Variants in FAT4 observed in about 807,000 individuals in gnomAD.
The protein encoded by FAT4 is protocadherin Fat 4.
In FAT4, 84 loss-of-function variants were observed where a neutral mutation model predicts 303.9. That is an observed-to-expected ratio of 0.28 (90% CI 0.23 to 0.33). The LOEUF is 0.33. Among genes scored for constraint, FAT4 ranks in the 10% least tolerant of loss-of-function variants. FAT4 has a pLI of 1.00. For missense variants in FAT4, 6,005 were observed against 6,146.8 expected (o/e 0.98, Z 0.77); for synonymous variants, 2,307 against 2,298.8 (o/e 1.00, Z -0.10).
intron 10 of FAT4, 140 bp downstream of exon 10, chr4:125,452,950 T>TTTAAA: frequency 2.8e-6 from 3 of 1,084,046 alleles, no homozygotes; most frequent in Non-Finnish European, 3.9e-6. Context: ...TTACTGTTGG[T>TTTAAA]CAAATACTGT....
intron 10 of FAT4, 54 bp from the exon 11 acceptor site, chr4:125,463,509 T>G (rs1726552617): frequency 1.9e-6 from 2 of 1,043,996 alleles, no homozygotes; most frequent in Non-Finnish European, 2.8e-6. Flanking sequence ...GGTGTAACGG[T>G]GTTAATATAT....
intron 7 of FAT4, among the ~76,000 whole-genome samples, chr4:125,432,502 T>G (rs1248908866): frequency 6.6e-6 from 1 of 152,358 alleles, no homozygotes; most frequent in Non-Finnish European, 1.5e-5. Flanking sequence ...TTGACAGTCT[T>G]ATTTGATGTG....
At chr4:125,434,450 T>C (rs775658506) in intron 8 of FAT4, 25 bp downstream of exon 8, 12 of 1,604,296 alleles carry the variant, frequency 7.5e-6, no homozygotes, top group Middle Eastern at 3.3e-4. Flanking sequence ...CTTTGTAAAG[T>C]TTGTCTGTTT....
At position 125,317,727 on chromosome 4, in the gene FAT4, C is replaced by T. The variant is rs749913769; in HGVS notation, c.1316C>T (p.Ser439Phe). ...ERIPSYNLTV[S>F]VSDNYGAPPG... ...ATCCCTTCCTACAACCTCACAGTTT[C>T]CGTCTCTGATAACTACGGGGCGCCC... The change falls in exon 2 of 18, where the codon TCC (serine) becomes TTC (phenylalanine). Residue 439 changes from serine to phenylalanine, a missense_variant. Ser to Phe is a radical substitution (Grantham distance 155, BLOSUM62 -2). Coordinates refer to ENST00000394329, the MANE Select transcript of FAT4 (RefSeq NM_001291303.3). The surrounding 1 kb of genome is among the most constrained non-coding windows in gnomAD (Gnocchi z 7.0). 2 of 1,614,020 alleles carry T rather than the reference C, an allele frequency of 1.2e-6. No homozygotes were observed. Among genetic ancestry groups the T allele is most frequent in the Non-Finnish European group, 1.7e-6 (2 of 1,180,032 alleles).
chr4:125,433,224 A>C (rs1291909488), intron 7 of FAT4, among the ~76,000 whole-genome samples: 1 of 152,204 alleles, frequency 6.6e-6, no homozygotes, highest in East Asian at 1.9e-4. Context: ...TAAATGAATG[A>C]GTGGCTTTAT....
At chr4:125,469,879 A>G (rs1301156235) in intron 12 of FAT4, among the ~76,000 whole-genome samples, 1 of 152,108 alleles carries the variant, frequency 6.6e-6, no homozygotes, top group Non-Finnish European at 1.5e-5. Context: ...TGGCATCTAG[A>G]ATGGTGACTC....
chr4:125,457,478 T>C (rs1726323505), intron 10 of FAT4, among the ~76,000 whole-genome samples: 1 of 152,074 alleles, frequency 6.6e-6, no homozygotes, highest in Non-Finnish European at 1.5e-5. Context: ...GAATGAGTGA[T>C]TTAGAGGGAA....
intron 2 of FAT4, among the ~76,000 whole-genome samples, chr4:125,372,055 G>A (rs1362376941): frequency 6.6e-6 from 1 of 151,916 alleles, no homozygotes; most frequent in South Asian, 2.1e-4. Flanking sequence ...TTTTAAAAAC[G>A]TTGAATCAAG....
intron 6 of FAT4, 35 bp from the exon 7 acceptor site, chr4:125,416,413 G>A (rs753209015): frequency 1.3e-6 from 2 of 1,534,524 alleles, no homozygotes; most frequent in Non-Finnish European, 1.8e-6. Flanking sequence ...TGCATTGTTT[G>A]TTTTACTCAC....
chr4:125,479,533 T>C (rs1045685011), intron 14 of FAT4, among the ~76,000 whole-genome samples: 1 of 152,000 alleles, frequency 6.6e-6, no homozygotes, highest in Non-Finnish European at 1.5e-5. Flanking sequence ...TAAGACATAA[T>C]TTTTTTTGAA....
intron 7 of FAT4, among the ~76,000 whole-genome samples, chr4:125,432,780 GTTAAT>G (rs1725324717): frequency 6.7e-6 from 1 of 149,310 alleles, no homozygotes; most frequent in Non-Finnish European, 1.5e-5. Context: ...GACTTTGTAT[GTTAAT>G]TTAAATGAAA....
chr4:125,357,716 A>C (rs577333564), intron 2 of FAT4, among the ~76,000 whole-genome samples: 126 of 152,248 alleles, frequency 8.3e-4, no homozygotes, highest in Admixed American at 3.7e-3. Context: ...ATTGTTGAAC[A>C]CTGCTGGCAT....
rs774223392 is a variant in FAT4, at chr4:125,449,240, A to G, written c.8230A>G (p.Thr2744Ala). 14 of 1,613,796 alleles carry G rather than the reference A, an allele frequency of 8.7e-6. No homozygotes were observed. Among genetic ancestry groups the G allele is most frequent in the South Asian group, 1.1e-5 (1 of 91,076 alleles). The change falls in exon 10 of 18, where the codon ACC becomes GCC. Residue 2744 changes from threonine (T) to alanine (A), a missense_variant. By Grantham distance (58) the Thr-to-Ala change is moderately conservative. Coordinates refer to ENST00000394329, the MANE Select transcript of FAT4 (RefSeq NM_001291303.3). ...DREKVSHYVL[T>A]IKSSDKGSPS... is the part of the protein sequence containing the mutation. ...GGAAAAAGTATCTCATTATGTCCTAACCATAAAATCATCAGACAAAGGGTC... is the reference window on the plus strand; with the variant it reads ...GGAAAAAGTATCTCATTATGTCCTAGCCATAAAATCATCAGACAAAGGGTC...
At chr4:125,358,736 C>T (rs1241733829) in intron 2 of FAT4, among the ~76,000 whole-genome samples, 1 of 152,106 alleles carries the variant, frequency 6.6e-6, no homozygotes, top group Non-Finnish European at 1.5e-5. Context: ...GGCCGGTTTC[C>T]TATCAGGTAA....
chr4:125,362,879 C>T (rs1351259460), intron 2 of FAT4: 1 of 151,874 alleles, frequency 6.6e-6, no homozygotes, highest in African/African-American at 2.4e-5. Flanking sequence ...ACAGACAGAA[C>T]TCCTTATTTT....
At position 125,319,059 on chromosome 4, in the gene FAT4, T is replaced by C; in HGVS notation, c.2648T>C (p.Val883Ala). ...VTGDTMVNIT[V>A]KDLNDNSPHF... Reference sequence around the variant, plus strand: ...GGAGACACTATGGTTAACATAACAGTTAAGGATTTGAATGACAACTCTCCC... The same window carrying C: ...GGAGACACTATGGTTAACATAACAGCTAAGGATTTGAATGACAACTCTCCC... Residue 883 changes from valine (V) to alanine (A), a missense_variant, in exon 2 of 18, where the codon GTT becomes GCT. Transcript: ENST00000394329. 6.2e-7 allele frequency: 1 copy of C among 1,613,998 alleles called. No homozygotes were observed. Among genetic ancestry groups the C allele is most frequent in the Non-Finnish European group, 8.5e-7 (1 of 1,179,994 alleles).
In FAT4 at chr4:125,423,898, G is replaced by A. The variant is rs191010737; in HGVS notation, c.7018+7276G>A. 2.4e-3 allele frequency among the ~76,000 whole-genome samples: 364 copies of A among 152,316 alleles called. 4 individuals carry two copies. Among genetic ancestry groups the A allele is most frequent in the Admixed American group, 8.1e-3 (124 of 15,304 alleles). On this transcript the variant is annotated intron_variant, in intron 7 of 17. Transcript: ENST00000394329. The stretch of plus-strand genomic sequence containing the variant: ...CCCTCTGCATTTTGGACTTTCAGGG[G>A]CCTGTAGCCCCTTCATTTTGGCCAA...
intron 16 of FAT4, among the ~76,000 whole-genome samples, chr4:125,483,369 G>GT (rs1306514355): frequency 6.6e-6 from 1 of 152,132 alleles, no homozygotes; most frequent in Admixed American, 6.5e-5. Flanking sequence ...ATTGAGGTCT[G>GT]TGTGTTATCT....
chr4:125,319,238 A>G lies in FAT4; in HGVS notation c.2827A>G (p.Asn943Asp). 1.2e-6 allele frequency: 2 copies of G among 1,614,172 alleles called. No individual in the cohort carries two copies. The highest frequency in any genetic ancestry group is 2.7e-5 in the African/African-American group (2 of 75,044). ...AAACCCCAAGAACCTGTTTGCTATC[A>G]ATGAAAAGAATGGCACTATTAGTCT... The part of the protein sequence containing the change: ...KQNPKNLFAI[N>D]EKNGTISLLG... Residue 943 changes from asparagine (N) to aspartate (D), a missense_variant, in exon 2 of 18, where the codon AAT (asparagine) becomes GAT (aspartate). Transcript: ENST00000394329.
Sources: gnomAD v4.1 joint callset for allele counts (sites outside exome capture counted in the v4.1 genomes callset) on GRCh38, gnomAD v4.1.1 for gene constraint, Gnocchi (gnomAD v3.1) non-coding constraint, MANE v1.5 for transcripts, NCBI Gene and HGNC (gene_info 2026-07-23, HGNC 2026-07-21) for gene names.